Variants in PHKA2 observed in about 807,000 individuals in gnomAD.
PHKA2 encodes the protein phosphorylase b kinase regulatory subunit alpha, liver isoform.
In PHKA2, 31 loss-of-function variants were observed where a neutral mutation model predicts 102.0. The ratio of observed to expected loss-of-function variants is 0.30; its 90% CI spans 0.23 to 0.41. PHKA2 has a LOEUF of 0.41. Among genes scored for constraint, PHKA2 ranks in the 10% least tolerant of loss-of-function variants. The probability of loss-of-function intolerance (pLI) is 1.00; values close to 1 mark genes in which losing one functional copy is unlikely to be tolerated. For synonymous variants in PHKA2, 455 were observed against 416.2 expected (o/e 1.09, Z -1.13); for missense variants, 858 against 1,023.1 (o/e 0.84, Z 2.20).
At chrX:18,893,746 A>G in intron 32 of PHKA2, 91 bp from the exon 33 acceptor site, 1 of 850,229 alleles carries the variant, frequency 1.2e-6, no homozygotes, top group Non-Finnish European at 1.7e-6. Context: ...CAACATGGGC[A>G]GGGGTGAGGG....
At position 18,910,898 on chromosome X, in the gene PHKA2, C is replaced by A; in HGVS notation, c.2200G>T (p.Asp734Tyr). The change falls in exon 20 of 33, where the codon GAT (aspartate) becomes TAT (tyrosine). Residue 734 changes from aspartate to tyrosine, a missense_variant. Physicochemically the swap from Asp to Tyr is radical, Grantham distance 160. Around this residue, in one of 2 missense-constraint regions of PHKA2, gnomAD observed 671 missense variants for 745.2 expected, o/e 0.90. Transcript: ENST00000379942. ...TTTTCTAGGAGTGGCTGAGGAGAAT[C>A]AACAAGATTCAGTGATTTACGGTGG... ...SAHRKSLNLV[D>Y]SPQPLLEKVP... is the part of the protein sequence containing the mutation. The A allele has an allele frequency of 8.4e-7, 1 of 1,192,248 alleles. No homozygotes were observed. The highest frequency in any genetic ancestry group is 1.8e-5 in the South Asian group (1 of 56,528).
At chrX:18,925,851 A>T (rs1288265806) in intron 14 of PHKA2, 74 bp from the exon 15 acceptor site, 17 of 692,255 alleles carry the variant, frequency 2.5e-5, no homozygotes, top group Non-Finnish European at 3.7e-5. Context: ...ACTCAGGCTA[A>T]GACTGAGCTT....
At chrX:18,970,038 G>A (rs751377392) in intron 1 of PHKA2, among the ~76,000 whole-genome samples, 4 of 111,252 alleles carry the variant, frequency 3.6e-5, no homozygotes, top group African/African-American at 6.5e-5. Flanking sequence ...CCAGGAGTTC[G>A]AGACCAGACT....
In PHKA2 at chrX:18,984,077, CTT is replaced by C; in HGVS notation, c.-147_-146del. 3 of 508,577 alleles carry C rather than the reference CTT, an allele frequency of 5.9e-6. No individual in the cohort carries two copies. The East Asian group carries it at 1.1e-4, about 19-fold the overall frequency. 41.9% of individuals were successfully genotyped at this position (508,577 alleles called of 1,213,427 possible). The stretch of plus-strand genomic sequence containing the variant: ...GGGACCGGGCCGGAGGAGGTCGAGA[CTT>C]TTCTAAACGCTAGCCCCAAAGTCCG... On this transcript the variant is annotated 5_prime_UTR_variant, in exon 1 of 33. Coordinates refer to ENST00000379942, the MANE Select transcript of PHKA2 (RefSeq NM_000292.3).
chrX:18,902,120 CG>C (rs1361647478), intron 26 of PHKA2, among the ~76,000 whole-genome samples: 1 of 110,804 alleles, frequency 9.0e-6, no homozygotes, highest in East Asian at 2.9e-4. Context: ...GGATTACAGG[CG>C]TGAGCCACTG....
chrX:18,920,159 G>T lies in PHKA2; in HGVS notation c.1836C>A (p.Phe612Leu), dbSNP rs916317530. The change falls in exon 18 of 33, where the codon TTC (phenylalanine) becomes TTA (leucine). Residue 612 changes from phenylalanine to leucine, a missense_variant. Coordinates refer to ENST00000379942, the MANE Select transcript of PHKA2 (RefSeq NM_000292.3). Reference sequence around the variant, plus strand: ...GATCCAGAAAAGTCAGATATGTGTAGAACGATGTGGTGAGAAATTCCGAAA... The same window carrying T: ...GATCCAGAAAAGTCAGATATGTGTATAACGATGTGGTGAGAAATTCCGAAA... Reference protein sequence around the residue: ...GNLSEFLTTSFYTYLTFLDPD... With the variant: ...GNLSEFLTTSLYTYLTFLDPD... 6 of 1,098,759 alleles carry T rather than the reference G, an allele frequency of 5.5e-6. No individual in the cohort carries two copies. In the African/African-American group the frequency reaches 9.1e-5, roughly 17 times the overall value. 90.6% of individuals were successfully genotyped at this position (1,098,759 alleles called of 1,213,427 possible).
In PHKA2 at chrX:18,893,326, C is replaced by CATCA. The variant is rs2047461039; in HGVS notation, c.*155_*158dup. On this transcript the variant is annotated 3_prime_UTR_variant, in exon 33 of 33. Coordinates refer to ENST00000379942, the MANE Select transcript of PHKA2 (RefSeq NM_000292.3). ...GCTCTATCTCTGTGGCTTTAACATA[C>CATCA]ATCAGTTTCAGGGTGAGTGCTACCA... is the stretch of plus-strand genomic sequence containing the variant. 5.5e-6 allele frequency: 3 copies of CATCA among 544,859 alleles called. No individual in the cohort carries two copies. Among genetic ancestry groups the CATCA allele is most frequent in the African/African-American group, 4.6e-5 (2 of 43,711 alleles). 44.9% of individuals were successfully genotyped at this position (544,859 alleles called of 1,213,427 possible). A position where few individuals can be genotyped will look rare whatever the true frequency, so the allele number is the denominator to read the frequency against.
chrX:18,934,213 G>A (rs1021508638), intron 11 of PHKA2, among the ~76,000 whole-genome samples: 6 of 112,064 alleles, frequency 5.4e-5, no homozygotes, highest in South Asian at 3.7e-4. Flanking sequence ...CGCAGCACGC[G>A]TACTAAAAGG....
intron 5 of PHKA2, among the ~76,000 whole-genome samples, chrX:18,946,383 C>G (rs1042968703): frequency 1.6e-4 from 18 of 111,134 alleles, no homozygotes; most frequent in Admixed American, 1.1e-3. Context: ...AACCCCGGCA[C>G]TGGGTGATTC....
chrX:18,965,584 GGT>G (rs1287184751), intron 1 of PHKA2, among the ~76,000 whole-genome samples: 5 of 110,737 alleles, frequency 4.5e-5, no homozygotes, highest in African/African-American at 1.3e-4. Flanking sequence ...GCCTTTCTGG[GGT>G]GTGTGTGGGG....
chrX:18,911,080 A>C, intron 19 of PHKA2, 120 bp from the exon 20 acceptor site: 1 of 417,718 alleles, frequency 2.4e-6, no homozygotes, highest in Non-Finnish European at 4.3e-6. Flanking sequence ...ATCTCGCCTC[A>C]CTGCAACCTT....
In PHKA2 at chrX:18,951,219, G is replaced by A. The variant is rs142799459; in HGVS notation, c.339C>T (p.His113=). 67 of 1,210,028 alleles carry A rather than the reference G, an allele frequency of 5.5e-5. No homozygotes were observed. In the African/African-American group the frequency reaches 1.1e-3, roughly 19 times the overall value. ...KHTQSTKDSL[H]AKYNTATCGT... ...CACAGGTGGCGGTGTTGTACTTGGC[G>A]TGCAGGCTGTCCTTGGTGCTCTGAG... Residue 113 remains histidine (H), a synonymous_variant, in exon 4 of 33, where the codon CAC becomes CAT. Transcript: ENST00000379942.
intron 18 of PHKA2, among the ~76,000 whole-genome samples, chrX:18,919,077 G>GA (rs918504066): frequency 3.7e-5 from 4 of 109,266 alleles, no homozygotes; most frequent in East Asian, 2.9e-4. Flanking sequence ...TTTATCCCAG[G>GA]AAAAAAAAAC....
At chrX:18,945,274 G>A (rs775295095) in intron 5 of PHKA2, 116 bp from the exon 6 acceptor site, 57 of 503,508 alleles carry the variant, frequency 1.1e-4, no homozygotes, top group Non-Finnish European at 1.9e-4. Flanking sequence ...GGATCTTCTC[G>A]GAGGCTTTGT....
chrX:18,893,754 G>T, intron 32 of PHKA2, 99 bp from the exon 33 acceptor site: 1 of 812,573 alleles, frequency 1.2e-6, no homozygotes, highest in Non-Finnish European at 1.8e-6. Context: ...GCAGGGGTGA[G>T]GGTTGCTCTA....
rs544242386 is a variant in PHKA2 at position 18,937,235 on chromosome X, C to T, written c.1042-1085G>A. On this transcript the variant is annotated intron_variant, in intron 10 of 32. Transcript: ENST00000379942. ...CTGCGATGTCAGTCATTCATGTAAC[C>T]TGCACAAAGACAGGTCGGTTCTGTT... Among the ~76,000 whole-genome samples the T allele has an allele frequency of 1.7e-4, 19 of 110,266 alleles. No homozygotes were observed. In the Middle Eastern group the frequency reaches 0.014, roughly 80 times the overall value.
At chrX:18,930,548 G>C (rs1249516308) in intron 12 of PHKA2, among the ~76,000 whole-genome samples, 1 of 111,403 alleles carries the variant, frequency 9.0e-6, no homozygotes, top group Non-Finnish European at 1.9e-5. Flanking sequence ...ATCAGAGCTG[G>C]AAGGTCAGAG....
intron 10 of PHKA2, among the ~76,000 whole-genome samples, chrX:18,936,507 C>T (rs1007326779): frequency 4.5e-5 from 5 of 111,845 alleles, no homozygotes; most frequent in Non-Finnish European, 9.4e-5. Context: ...GTCTTTAACT[C>T]GTCATGTAAT....
rs762225154 is a variant in PHKA2 at position 18,983,939 on chromosome X, G to C, written c.-7C>G. On this transcript the variant is annotated 5_prime_UTR_variant, in exon 1 of 33. Coordinates refer to ENST00000379942, the MANE Select transcript of PHKA2 (RefSeq NM_000292.3). The stretch of plus-strand genomic sequence containing the variant: ...AATTGCTCCTGCTCCGCATCTCCCC[G>C]AGGCTCCCAGGCCGCAGCGCCCGAT... 1.7e-6 allele frequency: 2 copies of C among 1,204,860 alleles called. No homozygotes were observed. The highest frequency in any genetic ancestry group is 2.2e-6 in the Non-Finnish European group (2 of 889,027).
Sources: gnomAD v4.1 joint callset for allele counts (sites outside exome capture counted in the v4.1 genomes callset) on GRCh38, gnomAD v4.1.1 for gene constraint, gnomAD v4.1.1 regional missense constraint, MANE v1.5 for transcripts, NCBI Gene and HGNC (gene_info 2026-07-23, HGNC 2026-07-21) for gene names.